The following DLGAP1 variants were observed in gnomAD, a reference collection of about 807,000 sequenced individuals.
DLGAP1 encodes DLG associated protein 1.
Under a neutral mutation model 90.8 loss-of-function variants are expected in DLGAP1, and 11 were observed. That is an observed-to-expected ratio of 0.12 (90% confidence interval 0.08 to 0.20). DLGAP1 has a LOEUF of 0.20. Among genes scored for constraint, DLGAP1 ranks in the 10% least tolerant of loss-of-function variants. The pLI, the probability that DLGAP1 is intolerant of heterozygous loss-of-function variation, is 1.00. For missense variants in DLGAP1, 1,050 were observed against 1,333.8 expected (o/e 0.79, Z 3.31); for synonymous variants, 558 against 540.7 (o/e 1.03, Z -0.44).
In DLGAP1 at chr18:3,997,071, A is replaced by AT. The variant is rs869260389; in HGVS notation, c.-73+8044dup. The stretch of plus-strand genomic sequence containing the variant: ...ATATTTTAAAATAAGCTTTATTTAG[A>AT]TTTTTTTTTAATATTTTATATTTGC... On this transcript the variant is annotated intron_variant, in intron 3 of 12. Transcript: ENST00000315677. Among the ~76,000 whole-genome samples the AT allele has an allele frequency of 1.4e-3, 60 of 43,310 alleles. 18 individuals carry two copies. The highest frequency in any genetic ancestry group is 8.3e-4 in the Admixed American group (3 of 3,610). The allele number at this position is 43,310 out of a possible 152,430, so 28.4% of individuals were successfully genotyped here. A position where few individuals can be genotyped will look rare whatever the true frequency, so the allele number is the denominator to read the frequency against.
rs1287851514 is a variant in DLGAP1, at chr18:3,626,571, T to A, written c.1592-44323A>T. On this transcript the variant is annotated intron_variant, in intron 7 of 12. Transcript: ENST00000315677. ...ATCACACCACTGCACTCCACCCTGC[T>A]GGGTGACAGAGCAAGAACCTGTTAA... Among the ~76,000 whole-genome samples the A allele has an allele frequency of 4.4e-5, 6 of 136,850 alleles. No individual in the cohort carries two copies. In the Admixed American group the frequency reaches 4.6e-4, roughly 11 times the overall value. The allele number at this position is 136,850 out of a possible 152,430, so 89.8% of individuals were successfully genotyped here.
chr18:3,688,637 ACACACACACACACACACACACACACACAC>A (rs1450971667), intron 7 of DLGAP1, among the ~76,000 whole-genome samples: 455 of 150,780 alleles, frequency 3.0e-3, no homozygotes, highest in African/African-American at 0.011. Context: ...ACACACACAC[ACACACACACACACACACACACACACACAC>A]ACCCTACCAA....
chr18:3,986,965 G>C (rs2073855985), intron 3 of DLGAP1, among the ~76,000 whole-genome samples: 1 of 152,190 alleles, frequency 6.6e-6, no homozygotes, highest in African/African-American at 2.4e-5. Context: ...CTCGACACAG[G>C]ACGAGGCTCT....
intron 1 of DLGAP1, among the ~76,000 whole-genome samples, chr18:4,415,602 A>G (rs376080417): frequency 2.2e-4 from 33 of 152,110 alleles, no homozygotes; most frequent in African/African-American, 7.7e-4. Context: ...TGGTTCACTT[A>G]TTTTCTACTG....
At chr18:3,733,357 A>G (rs2062515759) in intron 6 of DLGAP1, among the ~76,000 whole-genome samples, 1 of 152,200 alleles carries the variant, frequency 6.6e-6, no homozygotes, top group Non-Finnish European at 1.5e-5. Context: ...ATATGCATTC[A>G]GTAGAAACTG....
chr18:4,352,935 G>A (rs1656486625), intron 1 of DLGAP1, among the ~76,000 whole-genome samples: 1 of 152,114 alleles, frequency 6.6e-6, no homozygotes, highest in South Asian at 2.1e-4. Context: ...CGGTGAGTAT[G>A]ACAATCATCC....
At chr18:4,090,605 CA>C (rs1459004368) in intron 2 of DLGAP1, among the ~76,000 whole-genome samples, 1 of 152,124 alleles carries the variant, frequency 6.6e-6, no homozygotes, top group Non-Finnish European at 1.5e-5. Flanking sequence ...TAGACGCTGG[CA>C]AAGCTGTGAA....
At chr18:4,222,561 G>C (rs1407720444) in intron 1 of DLGAP1, among the ~76,000 whole-genome samples, 1 of 152,124 alleles carries the variant, frequency 6.6e-6, no homozygotes, top group Non-Finnish European at 1.5e-5. Flanking sequence ...TCAGGAGTTA[G>C]TGGAGTAATA....
At chr18:4,235,664 C>T (rs116117711) in intron 1 of DLGAP1, among the ~76,000 whole-genome samples, 1 of 151,204 alleles carries the variant, frequency 6.6e-6, no homozygotes, top group Non-Finnish European at 1.5e-5. Flanking sequence ...AAAAGATAAA[C>T]CCAAGTTATG....
chr18:3,915,302 A>T (rs139840651), intron 3 of DLGAP1, among the ~76,000 whole-genome samples: 1 of 152,286 alleles, frequency 6.6e-6, no homozygotes, highest in Non-Finnish European at 1.5e-5. Flanking sequence ...AGCTGTGACA[A>T]TTATGTATAA....
At chr18:3,677,714 A>C (rs558689004) in intron 7 of DLGAP1, among the ~76,000 whole-genome samples, 1 of 152,236 alleles carries the variant, frequency 6.6e-6, no homozygotes, top group South Asian at 2.1e-4. Context: ...GCTGGAGTGC[A>C]ATAGCACGAT....
intron 1 of DLGAP1, among the ~76,000 whole-genome samples, chr18:4,313,495 T>C (rs1598878842): frequency 6.6e-6 from 1 of 152,180 alleles, no homozygotes; most frequent in Non-Finnish European, 1.5e-5. Context: ...TAAATGCTTA[T>C]TCTTGTGAAT....
At chr18:3,808,930 C>T (rs1228558475) in intron 5 of DLGAP1, among the ~76,000 whole-genome samples, 1 of 152,222 alleles carries the variant, frequency 6.6e-6, no homozygotes, top group African/African-American at 2.4e-5. Context: ...AAGAAGAACA[C>T]TCCATCTACC....
At chr18:3,625,310 C>A (rs923048888) in intron 7 of DLGAP1, among the ~76,000 whole-genome samples, 3 of 152,094 alleles carry the variant, frequency 2.0e-5, no homozygotes. Flanking sequence ...GTCCTCCCAC[C>A]CCGTGAGAGG....
In DLGAP1 at chr18:3,574,283, T is replaced by C. The variant is rs141833621; in HGVS notation, c.1966-6702A>G. ...TCTTTTGAATCTGTTGTTCTTTTTC[T>C]AGCTTTGTAAATTGAGTGTTTACTT... On this transcript the variant is annotated intron_variant, in intron 8 of 12. Coordinates refer to ENST00000315677, the MANE Select transcript of DLGAP1 (RefSeq NM_004746.4). Among the ~76,000 whole-genome samples, 787 of 152,348 alleles carry C rather than the reference T, an allele frequency of 5.2e-3. 28 individuals are homozygous for C. The East Asian group carries it at 0.067, about 13-fold the overall frequency.
intron 7 of DLGAP1, among the ~76,000 whole-genome samples, chr18:3,696,628 T>C (rs939765742): frequency 6.6e-6 from 1 of 152,238 alleles, no homozygotes; most frequent in Non-Finnish European, 1.5e-5. Flanking sequence ...TCTGTATTGA[T>C]GTTTGTCAGG....
intron 1 of DLGAP1, among the ~76,000 whole-genome samples, chr18:4,266,866 T>C (rs950877059): frequency 6.6e-6 from 1 of 152,032 alleles, no homozygotes; most frequent in African/African-American, 2.4e-5. Context: ...TTTTAGTAAC[T>C]CATTAGATAA....
chr18:4,403,558 CAA>C (rs1330533042), intron 1 of DLGAP1, among the ~76,000 whole-genome samples: 1 of 152,234 alleles, frequency 6.6e-6, no homozygotes, highest in African/African-American at 2.4e-5. Flanking sequence ...ATTCTGATGA[CAA>C]AGTTTCCCTC....
rs1193225713 is a variant in DLGAP1 at position 4,454,018 on chromosome 18, C to G, written c.-267+988G>C. ...GGCAAGCCCTGCAGCCGGGGGCGAG[C>G]GCGGCACTCGGACACAGGCACTCAG... On this transcript the variant is annotated intron_variant, in intron 1 of 12. Coordinates refer to ENST00000315677, the MANE Select transcript of DLGAP1 (RefSeq NM_004746.4). The surrounding 1 kb of genome is among the most constrained non-coding windows in gnomAD (Gnocchi z 4.7). 6.6e-6 allele frequency among the ~76,000 whole-genome samples: 1 copy of G among 152,292 alleles called. No individual in the cohort carries two copies. Among genetic ancestry groups the G allele is most frequent in the East Asian group, 1.9e-4 (1 of 5,166 alleles).
Sources: allele counts gnomAD v4.1 joint callset (sites outside exome capture counted in the v4.1 genomes callset), GRCh38; gene constraint gnomAD v4.1.1; non-coding constraint Gnocchi (gnomAD v3.1); transcripts MANE v1.5; gene names NCBI Gene and HGNC (gene_info 2026-07-23, HGNC 2026-07-21).